Variants in CDH12 observed in about 807,000 individuals in gnomAD.
CDH12 encodes cadherin 12.
A neutral mutation model predicts 74.1 loss-of-function variants in CDH12; 41 were observed. The ratio of observed to expected loss-of-function variants is 0.55; its 90% CI spans 0.43 to 0.72. CDH12 has a LOEUF of 0.72. Ranked by LOEUF, CDH12 falls within the 30% of genes least tolerant of loss-of-function variation. The pLI, the probability that CDH12 is intolerant of heterozygous loss-of-function variation, is 0.00. For synonymous variants in CDH12, 399 were observed against 355.0 expected, an observed-to-expected ratio of 1.12 and a Z score of -1.39; for missense variants, 945 against 977.2, an observed-to-expected ratio of 0.97 and a Z score of 0.44.
At chr5:21,803,910 C>A (rs1461629503) in intron 9 of CDH12, among the ~76,000 whole-genome samples, 3 of 152,076 alleles carry the variant, frequency 2.0e-5, no homozygotes, top group African/African-American at 7.2e-5. Flanking sequence ...AACAAAAAAA[C>A]ACTTTTAAAT....
chr5:21,835,813 G>A (rs1308051450), intron 8 of CDH12, among the ~76,000 whole-genome samples: 2 of 151,626 alleles, frequency 1.3e-5, no homozygotes, highest in African/African-American at 4.8e-5. Context: ...ATTAATGACA[G>A]GATGAAAAGA....
chr5:21,940,578 G>C (rs547903481), intron 6 of CDH12, among the ~76,000 whole-genome samples: 28 of 152,246 alleles, frequency 1.8e-4, no homozygotes, highest in Admixed American at 3.9e-4. Flanking sequence ...ATATGGACTT[G>C]AGAATAATTA....
At chr5:22,847,667 C>CT (rs1378704177) in intron 1 of CDH12, among the ~76,000 whole-genome samples, 1 of 151,716 alleles carries the variant, frequency 6.6e-6, no homozygotes, top group Non-Finnish European at 1.5e-5. Context: ...CCTAATAATC[C>CT]TTTTTTGAAT....
At chr5:22,394,816 C>A (rs931721988) in intron 3 of CDH12, among the ~76,000 whole-genome samples, 8 of 152,184 alleles carry the variant, frequency 5.3e-5, no homozygotes, top group African/African-American at 1.9e-4. Flanking sequence ...TATCCAAAGT[C>A]TCATGCATAT....
chr5:21,889,471 C>T, intron 6 of CDH12: 1 of 514,784 alleles, frequency 1.9e-6, no homozygotes, highest in Non-Finnish European at 2.5e-6. Flanking sequence ...GAGAAACAGA[C>T]ATTGCCTTTG....
At chr5:22,697,743 A>C in intron 1 of CDH12, among the ~76,000 whole-genome samples, 1 of 152,142 alleles carries the variant, frequency 6.6e-6, no homozygotes, top group East Asian at 1.9e-4. Flanking sequence ...ATCCATTGTG[A>C]ATTTATCTGT....
chr5:22,607,449 C>T (rs896483813), intron 1 of CDH12, among the ~76,000 whole-genome samples: 1 of 152,156 alleles, frequency 6.6e-6, no homozygotes, highest in Admixed American at 6.5e-5. Context: ...GCACTGCTTC[C>T]ATAGCAGCAG....
chr5:21,963,093 C>CGATAGATAGATAGATA lies in CDH12; in HGVS notation c.526+11982_526+11997dup, dbSNP rs199706779. Among the ~76,000 whole-genome samples, 5 of 150,968 alleles carry CGATAGATAGATAGATA rather than the reference C, an allele frequency of 3.3e-5. No individual in the cohort carries two copies. The East Asian group carries it at 7.8e-4, about 24-fold the overall frequency. ...GCAACTTTAAGCTATTTACAAATAT[C>CGATAGATAGATAGATA]GATAGATAGATAGATAGATAGATAG... is the stretch of plus-strand genomic sequence containing the variant. On this transcript the variant is annotated intron_variant, in intron 6 of 14. Coordinates refer to ENST00000382254, the MANE Select transcript of CDH12 (RefSeq NM_004061.5).
chr5:22,637,857 G>A (rs1320146597), intron 1 of CDH12, among the ~76,000 whole-genome samples: 1 of 152,192 alleles, frequency 6.6e-6, no homozygotes. Context: ...TAGAGATTCT[G>A]TATAGTACAA....
chr5:22,032,128 A>G (rs1226036059), intron 5 of CDH12, among the ~76,000 whole-genome samples: 1 of 151,676 alleles, frequency 6.6e-6, no homozygotes, highest in Non-Finnish European at 1.5e-5. Context: ...TTTCAACTAC[A>G]TATCATTTAT....
intron 1 of CDH12, among the ~76,000 whole-genome samples, chr5:22,773,468 T>C (rs11955763): frequency 0.48 from 72,698 of 151,860 alleles, 17,524 homozygotes; most frequent in East Asian, 0.56. Context: ...TGAAACTGGA[T>C]CTCTCCTTTC....
chr5:22,455,178 CA>C (rs369229855), intron 2 of CDH12, among the ~76,000 whole-genome samples: 1 of 152,238 alleles, frequency 6.6e-6, no homozygotes, highest in African/African-American at 2.4e-5. Flanking sequence ...AAATTAGAAA[CA>C]GAAAGTCTAG....
intron 10 of CDH12, among the ~76,000 whole-genome samples, chr5:21,787,417 T>TG (rs1746255465): frequency 1.2e-5 from 1 of 80,390 alleles, no homozygotes; most frequent in Non-Finnish European, 3.5e-5. Context: ...TTGTTTTTGT[T>TG]TTTTGTTTTG....
intron 12 of CDH12, 54 bp from the exon 13 acceptor site, chr5:21,760,729 C>T (rs1744674981): frequency 2.0e-6 from 2 of 1,000,176 alleles, no homozygotes; most frequent in South Asian, 1.3e-5. Context: ...GGACTTTACA[C>T]AGCAGGCTAC....
intron 1 of CDH12, among the ~76,000 whole-genome samples, chr5:22,583,273 G>T (rs1740196637): frequency 6.6e-6 from 1 of 152,180 alleles, no homozygotes. Context: ...TATCAGATAT[G>T]AAGATAATTT....
At chr5:22,045,524 T>C (rs932796282) in intron 5 of CDH12, among the ~76,000 whole-genome samples, 1 of 151,136 alleles carries the variant, frequency 6.6e-6, no homozygotes, top group Non-Finnish European at 1.5e-5. Context: ...AGCCAAGATA[T>C]CTAATCAACT....
At chr5:21,895,073 G>T (rs912934334) in intron 6 of CDH12, among the ~76,000 whole-genome samples, 1 of 150,642 alleles carries the variant, frequency 6.6e-6, no homozygotes, top group East Asian at 1.9e-4. Flanking sequence ...CTGCTATACT[G>T]TTCCTCCTTA....
chr5:21,932,213 CTATT>C (rs1431629090), intron 6 of CDH12, among the ~76,000 whole-genome samples: 1 of 152,128 alleles, frequency 6.6e-6, no homozygotes, highest in African/African-American at 2.4e-5. Context: ...ACCAGTAAAA[CTATT>C]TAGCAAATGG....
intron 4 of CDH12, among the ~76,000 whole-genome samples, chr5:22,186,284 G>C (rs1749942635): frequency 3.3e-5 from 5 of 152,084 alleles, no homozygotes; most frequent in Admixed American, 3.3e-4. Context: ...CAAAAGAAAT[G>C]TAATAATACC....
Sources: allele counts gnomAD v4.1 joint callset (sites outside exome capture counted in the v4.1 genomes callset), GRCh38; gene constraint gnomAD v4.1.1; transcripts MANE v1.5; gene names NCBI Gene and HGNC (gene_info 2026-07-23, HGNC 2026-07-21).